Variants in GNAT3 observed in about 807,000 individuals in gnomAD.
GNAT3 encodes the protein guanine nucleotide-binding protein G(t) subunit alpha-3.
A neutral mutation model predicts 37.7 loss-of-function variants in GNAT3; 31 were observed. The ratio of observed to expected loss-of-function variants is 0.82; its 90% CI spans 0.62 to 1.11. The LOEUF (loss-of-function observed/expected upper bound fraction) is 1.11. Among genes scored for constraint, GNAT3 ranks in the 50% most tolerant of loss-of-function variants. The pLI, the probability that GNAT3 is intolerant of heterozygous loss-of-function variation, is 0.00. For synonymous variants in GNAT3, 138 were observed against 139.8 expected (o/e 0.99, Z 0.09); for missense variants, 437 against 412.5 (o/e 1.06, Z -0.51).
chr7:80,489,475 G>A (rs1009817255), intron 2 of GNAT3, among the ~76,000 whole-genome samples: 4 of 151,946 alleles, frequency 2.6e-5, no homozygotes, highest in African/African-American at 9.7e-5. Context: ...CTTTTTGGAT[G>A]TCATATTACT....
At chr7:80,464,423 C>T (rs1217966590) in intron 5 of GNAT3, among the ~76,000 whole-genome samples, 1 of 152,030 alleles carries the variant, frequency 6.6e-6, no homozygotes, top group Non-Finnish European at 1.5e-5. Flanking sequence ...CTCATGTGAT[C>T]AGCCAGCAGT....
At chr7:80,474,645 G>A (rs1790276036) in intron 4 of GNAT3, among the ~76,000 whole-genome samples, 1 of 152,126 alleles carries the variant, frequency 6.6e-6, no homozygotes, top group African/African-American at 2.4e-5. Flanking sequence ...GCAGAGTGCT[G>A]AATGTGGCAC....
intron 5 of GNAT3, 145 bp from the exon 6 acceptor site, chr7:80,462,776 A>AT: frequency 1.8e-6 from 1 of 568,210 alleles, no homozygotes; most frequent in East Asian, 3.2e-5. Flanking sequence ...AATTAAATTT[A>AT]TTTGGTCAAA....
chr7:80,481,827 T>G (rs970410097), intron 3 of GNAT3, among the ~76,000 whole-genome samples: 2 of 152,264 alleles, frequency 1.3e-5, no homozygotes, highest in Non-Finnish European at 2.9e-5. Context: ...AGAGACTCCT[T>G]TCTACTGATT....
At chr7:80,495,463 TTGG>T (rs546650217) in intron 1 of GNAT3, among the ~76,000 whole-genome samples, 2,036 of 151,778 alleles carry the variant, frequency 0.013, 45 homozygotes, top group African/African-American at 0.047. Context: ...GTTTTTTTTT[TTGG>T]TTTGTTTGTT....
At chr7:80,488,510 C>A in intron 3 of GNAT3, 25 bp downstream of exon 3, 1 of 1,584,958 alleles carries the variant, frequency 6.3e-7, no homozygotes, top group South Asian at 1.1e-5. Flanking sequence ...GCAGGACATA[C>A]AGCTGTCATT....
At chr7:80,484,200 A>G (rs541814081) in intron 3 of GNAT3, among the ~76,000 whole-genome samples, 1 of 152,232 alleles carries the variant, frequency 6.6e-6, no homozygotes, top group East Asian at 1.9e-4. Context: ...AGGTGGTCTT[A>G]GAACTTTGTG....
chr7:80,511,527 T>C (rs75160106), intron 1 of GNAT3, among the ~76,000 whole-genome samples: 6,691 of 152,166 alleles, frequency 0.044, 508 homozygotes, highest in African/African-American at 0.15. Context: ...AAATAATAAA[T>C]GTATCTGATT....
chr7:80,469,048 T>A (rs938170146), intron 5 of GNAT3, among the ~76,000 whole-genome samples: 6 of 152,068 alleles, frequency 3.9e-5, no homozygotes, highest in African/African-American at 1.4e-4. Context: ...TTATAAAGAC[T>A]AGGAAAGCCA....
At chr7:80,460,547 A>T (rs1476889940) in intron 7 of GNAT3, among the ~76,000 whole-genome samples, 1 of 152,172 alleles carries the variant, frequency 6.6e-6, no homozygotes, top group Non-Finnish European at 1.5e-5. Flanking sequence ...CAGGAGTTCA[A>T]GACCAGCCTG....
intron 1 of GNAT3, among the ~76,000 whole-genome samples, chr7:80,498,068 T>C (rs1287216882): frequency 6.6e-6 from 1 of 152,162 alleles, no homozygotes; most frequent in Non-Finnish European, 1.5e-5. Context: ...AATTTTATTT[T>C]ATTCACTATA....
intron 4 of GNAT3, among the ~76,000 whole-genome samples, chr7:80,474,896 T>C (rs1230849172): frequency 6.6e-6 from 1 of 152,176 alleles, no homozygotes; most frequent in African/African-American, 2.4e-5. Flanking sequence ...GAGTGATTGG[T>C]TCGAATGTAC....
chr7:80,458,782 T>C lies in GNAT3; in HGVS notation c.954A>G (p.Glu318=). ...LDLNLKKEDK[E]IYSHMTCATD... is the part of the protein sequence containing the mutation. ...TAGCACAGGTCATGTGGGAATAAATTTCCTTATCTTCTTTTTTTAAATTCA... is the reference window on the plus strand; with the variant it reads ...TAGCACAGGTCATGTGGGAATAAATCTCCTTATCTTCTTTTTTTAAATTCA... The change falls in exon 8 of 8, where the codon GAA becomes GAG. Residue 318 remains glutamate, a synonymous_variant. Transcript: ENST00000398291. 8 of 1,595,950 alleles carry C rather than the reference T, an allele frequency of 5.0e-6. No individual in the cohort carries two copies. The highest frequency in any genetic ancestry group is 6.0e-6 in the Non-Finnish European group (7 of 1,170,774).
At position 80,494,659 on chromosome 7, in the gene GNAT3, A is replaced by G; in HGVS notation, c.119-12T>C. ...AGATTCTCCTGCTCCTGCAACATAA[A>G]AAGAGGAATATTATTAACTGATATA... On this transcript the variant is annotated splice_polypyrimidine_tract_variant and intron_variant, in intron 1 of 7. Transcript: ENST00000398291. The G allele has an allele frequency of 6.8e-7, 1 of 1,463,970 alleles. No homozygotes were observed. The allele number at this position is 1,463,970 out of a possible 1,614,324, so 90.7% of individuals were successfully genotyped here.
intron 1 of GNAT3, among the ~76,000 whole-genome samples, chr7:80,503,529 G>A (rs1790875138): frequency 6.6e-6 from 1 of 152,106 alleles, no homozygotes; most frequent in Admixed American, 6.5e-5. Flanking sequence ...AATAACAGAA[G>A]CAGTAAAGAG....
intron 3 of GNAT3, among the ~76,000 whole-genome samples, chr7:80,488,221 T>C (rs1302930338): frequency 6.6e-6 from 1 of 152,146 alleles, no homozygotes; most frequent in Admixed American, 6.6e-5. Flanking sequence ...TATTGCAAAT[T>C]GTGTTTATGC....
chr7:80,493,695 T>C (rs918256003), intron 2 of GNAT3, among the ~76,000 whole-genome samples: 12 of 126,896 alleles, frequency 9.5e-5, no homozygotes, highest in Non-Finnish European at 1.9e-4. Flanking sequence ...TCTTTCCTCC[T>C]CCTCCTCTTT....
Position 80,474,295 on chromosome 7 carries a change from A to G in GNAT3, c.546T>C (p.Thr182=), listed in dbSNP as rs1257439493. 3.9e-5 allele frequency: 62 copies of G among 1,593,968 alleles called. 1 individual carries two copies. Among genetic ancestry groups the G allele is most frequent in the Admixed American group, 1.2e-4 (7 of 57,546 alleles). ...QDVLHSRVKT[T]GIIETQFSFK... ...AGGAGAATTGAGTTTCAATGATTCC[A>G]GTCGTTTTCACTCGAGAATGGAGAA... The change falls in exon 5 of 8, where the codon ACT becomes ACC. Residue 182 remains threonine, a synonymous_variant. Transcript: ENST00000398291.
intron 1 of GNAT3, among the ~76,000 whole-genome samples, chr7:80,499,174 G>A (rs984349266): frequency 5.9e-5 from 9 of 152,036 alleles, no homozygotes; most frequent in African/African-American, 1.7e-4. Context: ...CAGTCTATGC[G>A]TGAGAAAAAT....
Sources: gnomAD v4.1 joint callset for allele counts (sites outside exome capture counted in the v4.1 genomes callset) on GRCh38, gnomAD v4.1.1 for gene constraint, MANE v1.5 for transcripts, NCBI Gene and HGNC (gene_info 2026-07-23, HGNC 2026-07-21) for gene names.